Variants in NELL1 observed in about 807,000 individuals in gnomAD.
NELL1 encodes neural EGFL like 1.
In NELL1, 76 loss-of-function variants were observed where a neutral mutation model predicts 107.4. The ratio of observed to expected loss-of-function variants is 0.71; its 90% CI spans 0.59 to 0.86. The LOEUF is 0.86. Among genes scored for constraint, NELL1 ranks in the 40% least tolerant of loss-of-function variants. NELL1 has a pLI of 0.00. For synonymous variants in NELL1, 353 were observed against 341.2 expected (o/e 1.03, Z -0.38); for missense variants, 1,024 against 1,005.5 (o/e 1.02, Z -0.25).
At position 20,898,496 on chromosome 11, in the gene NELL1, A is replaced by G. The variant is rs578170021; in HGVS notation, c.603+12956A>G. ...AATGATGAGTTACTGGGTACAGCAC[A>G]CCAACATGGCACATATATATATATG... On this transcript the variant is annotated intron_variant, in intron 5 of 19. Coordinates refer to ENST00000357134, the MANE Select transcript of NELL1 (RefSeq NM_006157.5). Among the ~76,000 whole-genome samples the G allele has an allele frequency of 4.6e-5, 7 of 151,852 alleles. No homozygotes were observed. In the South Asian group the frequency reaches 1.3e-3, roughly 27 times the overall value.
intron 13 of NELL1, among the ~76,000 whole-genome samples, chr11:21,125,756 A>G (rs1054501111): frequency 1.3e-5 from 2 of 152,170 alleles, no homozygotes; most frequent in Non-Finnish European, 2.9e-5. Context: ...TTGAGAAGTA[A>G]TTGTGCCTGT....
At chr11:21,103,249 A>G (rs930279908) in intron 12 of NELL1, among the ~76,000 whole-genome samples, 3 of 152,168 alleles carry the variant, frequency 2.0e-5, no homozygotes, top group African/African-American at 4.8e-5. Context: ...GCACCAAATC[A>G]TTTATTTTTA....
At position 21,026,254 on chromosome 11, in the gene NELL1, G is replaced by T. The variant is rs555148696; in HGVS notation, c.1300+65694G>T. ...GCAAAGCTTGGAAGCCCTACCTAGT[G>T]AGCGATGCCCTTACCTCCCTGATCC... On this transcript the variant is annotated intron_variant, in intron 12 of 19. Coordinates refer to ENST00000357134, the MANE Select transcript of NELL1 (RefSeq NM_006157.5). Among the ~76,000 whole-genome samples the T allele has an allele frequency of 3.3e-5, 5 of 152,190 alleles. No individual in the cohort carries two copies. The South Asian group carries it at 1.0e-3, about 32-fold the overall frequency.
intron 13 of NELL1, among the ~76,000 whole-genome samples, chr11:21,194,546 A>G (rs1857112769): frequency 6.6e-6 from 1 of 152,118 alleles, no homozygotes; most frequent in African/African-American, 2.4e-5. Context: ...TATGTGGCCA[A>G]GAAGACTGGG....
Position 20,805,891 on chromosome 11 carries a change from A to T in NELL1, c.335+22061A>T, listed in dbSNP as rs567072722. Among the ~76,000 whole-genome samples, 75 of 152,250 alleles carry T rather than the reference A, an allele frequency of 4.9e-4. 2 individuals carry two copies. The South Asian group carries it at 0.014, about 29-fold the overall frequency. On this transcript the variant is annotated intron_variant, in intron 3 of 19. Transcript: ENST00000357134. ...GTAATAAAAACTGCACTTTAACTTC[A>T]TCCTCTCACTTTTTATCTTGCTTTG...
intron 13 of NELL1, among the ~76,000 whole-genome samples, chr11:21,130,968 C>A (rs531335258): frequency 1.3e-5 from 2 of 151,936 alleles, no homozygotes; most frequent in African/African-American, 4.8e-5. Context: ...TTTCAGAAGA[C>A]GAGATTATCT....
chr11:21,459,039 C>A (rs1026445406), intron 15 of NELL1, among the ~76,000 whole-genome samples: 1 of 152,032 alleles, frequency 6.6e-6, no homozygotes, highest in African/African-American at 2.4e-5. Context: ...GTTTTACACA[C>A]TCTAGAAAAT....
intron 15 of NELL1, among the ~76,000 whole-genome samples, chr11:21,464,303 T>A (rs747248473): frequency 9.9e-5 from 15 of 151,780 alleles, no homozygotes; most frequent in Non-Finnish European, 2.1e-4. Context: ...GTAATTAAAC[T>A]ACCTTTTTAA....
At chr11:21,388,837 A>T (rs1409457229) in intron 15 of NELL1, among the ~76,000 whole-genome samples, 1 of 151,882 alleles carries the variant, frequency 6.6e-6, no homozygotes, top group Non-Finnish European at 1.5e-5. Context: ...TTCCGGAAAG[A>T]TGTTCTCAGA....
At chr11:21,501,318 T>C (rs1297693553) in intron 15 of NELL1, among the ~76,000 whole-genome samples, 2 of 152,188 alleles carry the variant, frequency 1.3e-5, no homozygotes, top group Non-Finnish European at 2.9e-5. Flanking sequence ...GAAAAGCAAT[T>C]GAAGATGTGT....
chr11:20,904,480 A>C (rs1436680712), intron 5 of NELL1, among the ~76,000 whole-genome samples: 1 of 152,194 alleles, frequency 6.6e-6, no homozygotes, highest in Non-Finnish European at 1.5e-5. Flanking sequence ...GGGGCCAAAG[A>C]GTATGGTTGA....
intron 2 of NELL1, among the ~76,000 whole-genome samples, chr11:20,714,896 G>A (rs908702896): frequency 2.0e-5 from 3 of 152,032 alleles, no homozygotes; most frequent in East Asian, 1.9e-4. Flanking sequence ...AAGAAAATTC[G>A]TGCATTTAAA....
At chr11:21,386,642 A>G (rs1026027752) in intron 15 of NELL1, among the ~76,000 whole-genome samples, 2 of 151,900 alleles carry the variant, frequency 1.3e-5, no homozygotes, top group Non-Finnish European at 2.9e-5. Flanking sequence ...GCAAATTATT[A>G]TGGTACTCTG....
At chr11:20,676,951 G>A (rs1001672579) in intron 1 of NELL1, among the ~76,000 whole-genome samples, 1 of 152,196 alleles carries the variant, frequency 6.6e-6, no homozygotes, top group South Asian at 2.1e-4. Flanking sequence ...GTGATCACTA[G>A]CCTTATTAAT....
At chr11:20,919,792 A>C (rs538809356) in intron 7 of NELL1, among the ~76,000 whole-genome samples, 41 of 152,272 alleles carry the variant, frequency 2.7e-4, no homozygotes, top group African/African-American at 9.1e-4. Flanking sequence ...TTTAATGTAT[A>C]ATTTATTTCA....
chr11:20,890,423 T>G (rs1564952414), intron 5 of NELL1, among the ~76,000 whole-genome samples: 1 of 152,000 alleles, frequency 6.6e-6, no homozygotes, highest in Admixed American at 6.6e-5. Flanking sequence ...ATGAAAAAAT[T>G]CTGAAAACCC....
chr11:20,732,125 C>T (rs149236825), intron 2 of NELL1, among the ~76,000 whole-genome samples: 205 of 152,062 alleles, frequency 1.3e-3, no homozygotes, highest in Middle Eastern at 0.01. Flanking sequence ...CATCATTTTC[C>T]GAGTCCTTTC....
chr11:21,035,292 G>T (rs1853060623), intron 12 of NELL1, among the ~76,000 whole-genome samples: 1 of 152,076 alleles, frequency 6.6e-6, no homozygotes, highest in Non-Finnish European at 1.5e-5. Flanking sequence ...AATTCTACCA[G>T]ATGTACAAAG....
At chr11:21,510,251 G>A (rs1404387208) in intron 15 of NELL1, among the ~76,000 whole-genome samples, 1 of 152,208 alleles carries the variant, frequency 6.6e-6, no homozygotes, top group Admixed American at 6.5e-5. Flanking sequence ...AATGTGCATA[G>A]AGGCAGAGAA....
Sources: allele counts gnomAD v4.1 joint callset (sites outside exome capture counted in the v4.1 genomes callset), GRCh38; gene constraint gnomAD v4.1.1; transcripts MANE v1.5; gene names NCBI Gene and HGNC (gene_info 2026-07-23, HGNC 2026-07-21).